The following RAB36 variants were observed in gnomAD, a reference collection of about 807,000 sequenced individuals.
RAB36 encodes ras-related protein Rab-36.
In RAB36, 33 loss-of-function variants were observed where a neutral mutation model predicts 39.3. That is an observed-to-expected ratio of 0.84 (90% CI 0.64 to 1.12). The LOEUF is 1.12. Ranked by LOEUF, RAB36 falls within the 50% of genes most tolerant of loss-of-function variation. The pLI, the probability that RAB36 is intolerant of heterozygous loss-of-function variation, is 0.00. For missense variants in RAB36, 308 were observed against 355.3 expected (o/e 0.87, Z 1.07); for synonymous variants, 133 against 140.2 (o/e 0.95, Z 0.36).
chr22:23,157,777 A>G (rs1468619434), intron 6 of RAB36, among the ~76,000 whole-genome samples: 2 of 152,054 alleles, frequency 1.3e-5, no homozygotes, highest in Non-Finnish European at 2.9e-5. Context: ...TGGATCCCAC[A>G]CTGAGGCTGG....
Position 23,162,646 on chromosome 22 carries a change from T to G in RAB36, c.*1082T>G, listed in dbSNP as rs2071870624. 2.2e-6 allele frequency: 1 copy of G among 456,204 alleles called. No individual in the cohort carries two copies. The highest frequency in any genetic ancestry group is 4.4e-6 in the Non-Finnish European group (1 of 226,986). The allele number at this position is 456,204 out of a possible 1,614,324, so 28.3% of individuals were successfully genotyped here. On this transcript the variant is annotated 3_prime_UTR_variant, in exon 11 of 11. Transcript: ENST00000263116. ...ATGCTCATCCACAGGGTTTTCTCAC[T>G]GCTATGAACCAGCCCCACAGCCCCA... is the stretch of plus-strand genomic sequence containing the variant.
chr22:23,151,994 C>T (rs928978351), intron 3 of RAB36, among the ~76,000 whole-genome samples: 5 of 152,240 alleles, frequency 3.3e-5, no homozygotes, highest in Non-Finnish European at 5.9e-5. Context: ...GAGCCCACAT[C>T]GGCGCACAGC....
At chr22:23,167,020 C>CT (rs2072064797), downstream of RAB36, among the ~76,000 whole-genome samples, 1 of 152,080 alleles carries the variant, frequency 6.6e-6, no homozygotes, top group Admixed American at 6.5e-5. Context: ...CTGTCCCCGC[C>CT]TGACAGGTGG....
intron 1 of RAB36, 58 bp from the exon 2 acceptor site, chr22:23,146,546 GT>G: frequency 6.3e-7 from 1 of 1,586,876 alleles, no homozygotes; most frequent in South Asian, 1.1e-5. Flanking sequence ...AAACTCATGG[GT>G]GAATCCCCAG....
chr22:23,147,857 C>T lies in RAB36; in HGVS notation c.69+1172C>T, dbSNP rs575578792. ...ACATGCAACGAGAGCCAAAGTAAAC[C>T]GTTAAGTAAAAATGCAGGGCATGGA... is the stretch of plus-strand genomic sequence containing the variant. On this transcript the variant is annotated intron_variant, in intron 2 of 10. Coordinates refer to ENST00000263116, the MANE Select transcript of RAB36 (RefSeq NM_004914.5). 2.6e-5 allele frequency among the ~76,000 whole-genome samples: 4 copies of T among 152,274 alleles called. No homozygotes were observed. In the East Asian group the frequency reaches 5.8e-4, roughly 22 times the overall value.
In RAB36 at chr22:23,146,603, A is replaced by G. The variant is rs2070787553; in HGVS notation, c.-12-2A>G. ...CTGTCTTTCTCCTGGTTGGGTCCACAGGACTGTGGAAGAATGAGGTCCTCC... is the reference window on the plus strand; with the variant it reads ...CTGTCTTTCTCCTGGTTGGGTCCACGGGACTGTGGAAGAATGAGGTCCTCC... On this transcript the variant is annotated splice_acceptor_variant, in intron 1 of 10. Transcript: ENST00000263116. LOFTEE classifies it low-confidence loss of function (5UTR_SPLICE). The G allele has an allele frequency of 6.2e-7, 1 of 1,613,682 alleles. No individual in the cohort carries two copies. Among genetic ancestry groups the G allele is most frequent in the Non-Finnish European group, 8.5e-7 (1 of 1,179,798 alleles).
rs1466974987 is a variant in RAB36 at position 23,159,248 on chromosome 22, A to C, written c.614A>C (p.Lys205Thr). ...GCCGAGTACTGGTCAGTGTCGGCCA[A>C]GACTGGTGAGTGGGCCAGGGCTGTC... ...MQAEYWSVSA[K>T]TGENVKAFFS... The change falls in exon 9 of 11, where the codon AAG becomes ACG. Residue 205 changes from lysine (K) to threonine (T), a missense_variant. By Grantham distance (78) the Lys-to-Thr change is moderately conservative. Transcript: ENST00000263116. 6.3e-7 allele frequency: 1 copy of C among 1,589,396 alleles called. No individual in the cohort carries two copies. The highest frequency in any genetic ancestry group is 1.8e-5 in the Admixed American group (1 of 56,604).
Position 23,146,608 on chromosome 22 carries a change from T to C in RAB36, c.-9T>C, listed in dbSNP as rs749243163. 6.2e-7 allele frequency: 1 copy of C among 1,613,924 alleles called. No homozygotes were observed. Among genetic ancestry groups the C allele is most frequent in the Admixed American group, 1.7e-5 (1 of 59,998 alleles). ...TTTCTCCTGGTTGGGTCCACAGGACTGTGGAAGAATGAGGTCCTCCCTGAC... is the reference window on the plus strand; with the variant it reads ...TTTCTCCTGGTTGGGTCCACAGGACCGTGGAAGAATGAGGTCCTCCCTGAC... On this transcript the variant is annotated 5_prime_UTR_variant, in exon 2 of 11. Coordinates refer to ENST00000263116, the MANE Select transcript of RAB36 (RefSeq NM_004914.5).
intron 3 of RAB36, 55 bp downstream of exon 3, chr22:23,150,209 TG>T (rs2071029450): frequency 7.4e-7 from 1 of 1,350,946 alleles, no homozygotes; most frequent in East Asian, 2.4e-5. Context: ...AATGAGTGCA[TG>T]AAGCACGTGA....
intron 5 of RAB36, among the ~76,000 whole-genome samples, chr22:23,154,652 T>C (rs1413812012): frequency 2.0e-5 from 3 of 152,224 alleles, no homozygotes; most frequent in Non-Finnish European, 1.5e-5. Flanking sequence ...ACAGGGACAC[T>C]GTCCTGGCTC....
chr22:23,167,063 G>A (rs1290850404), downstream of RAB36, among the ~76,000 whole-genome samples: 1 of 151,986 alleles, frequency 6.6e-6, no homozygotes, highest in Non-Finnish European at 1.5e-5. Context: ...GAAGAGATGG[G>A]ACACACCTGA....
intron 9 of RAB36, 128 bp downstream of exon 9, chr22:23,159,381 TG>T: frequency 1.1e-6 from 1 of 894,480 alleles, no homozygotes; most frequent in Middle Eastern, 2.3e-4. Context: ...TGGTGCACAC[TG>T]GCATCACAGC....
intron 9 of RAB36, among the ~76,000 whole-genome samples, chr22:23,160,485 C>T (rs759654277): frequency 2.3e-4 from 35 of 152,210 alleles, no homozygotes; most frequent in African/African-American, 8.2e-4. Flanking sequence ...ACAGCCCCAC[C>T]GGACAGGTAT....
chr22:23,167,694 CT>C (rs2146629545), downstream of RAB36, among the ~76,000 whole-genome samples: 1 of 151,618 alleles, frequency 6.6e-6, no homozygotes. Flanking sequence ...TTCATTAACT[CT>C]TTTTTTAATT....
intron 5 of RAB36, among the ~76,000 whole-genome samples, 190 bp from the exon 6 acceptor site, chr22:23,155,778 G>A (rs2071413718): frequency 6.6e-6 from 1 of 152,152 alleles, no homozygotes; most frequent in South Asian, 2.1e-4. Flanking sequence ...GTCCACTGGG[G>A]GCACCCTAGG....
intron 5 of RAB36, among the ~76,000 whole-genome samples, chr22:23,153,822 C>T (rs1175066369): frequency 6.7e-6 from 1 of 150,250 alleles, no homozygotes; most frequent in African/African-American, 2.5e-5. Context: ...CCAAGTAGGA[C>T]AACAGCTGTG....
rs968788006 is a variant in RAB36, at chr22:23,164,041, G to A, written c.*2477G>A. On this transcript the variant is annotated 3_prime_UTR_variant, in exon 11 of 11. Transcript: ENST00000263116. ...AGTTATAGCTTTGCGTACTCAGGAA[G>A]GCCCTTCTCCCGACTGCGGCCCCCA... The A allele has an allele frequency of 3.3e-5, 5 of 152,264 alleles. No individual in the cohort carries two copies. The highest frequency in any genetic ancestry group is 4.8e-5 in the African/African-American group (2 of 41,464). The allele number at this position is 152,264 out of a possible 1,614,324, so 9.4% of individuals were successfully genotyped here.
chr22:23,157,815 G>A (rs1845759755), intron 6 of RAB36, among the ~76,000 whole-genome samples, 177 bp from the exon 7 acceptor site: 2 of 152,210 alleles, frequency 1.3e-5, no homozygotes, highest in Admixed American at 1.3e-4. Context: ...GGAGGGTCCC[G>A]GTGGGGGACA....
At chr22:23,157,917 TG>T in intron 6 of RAB36, 74 bp from the exon 7 acceptor site, 1 of 1,602,812 alleles carries the variant, frequency 6.2e-7, no homozygotes, top group African/African-American at 1.3e-5. Flanking sequence ...CCTTGGGAGC[TG>T]GGCACCTCCT....
Sources: gnomAD v4.1 joint callset for allele counts (sites outside exome capture counted in the v4.1 genomes callset) on GRCh38, gnomAD v4.1.1 for gene constraint, MANE v1.5 for transcripts, NCBI Gene and HGNC (gene_info 2026-07-23, HGNC 2026-07-21) for gene names.